Variants in MBOAT2 observed in about 807,000 individuals in gnomAD.
MBOAT2 encodes membrane bound glycerophospholipid O-acyltransferase 2, also known as membrane-bound glycerophospholipid O-acyltransferase 2.
MBOAT2 carries 28 observed loss-of-function variants against 63.4 expected under a neutral mutation model. The observed-to-expected ratio is 0.44, with a 90% CI of 0.33 to 0.61. MBOAT2 has a LOEUF of 0.61. MBOAT2 is among the 20% of genes least tolerant of loss of function. MBOAT2 has a pLI of 0.03. For synonymous variants in MBOAT2, 211 were observed against 215.6 expected, an observed-to-expected ratio of 0.98 and a Z score of 0.19; for missense variants, 470 against 605.8, an observed-to-expected ratio of 0.78 and a Z score of 2.35.
chr2:8,988,237 C>T (rs1296276443), intron 1 of MBOAT2, among the ~76,000 whole-genome samples: 1 of 152,154 alleles, frequency 6.6e-6, no homozygotes, highest in African/African-American at 2.4e-5. Flanking sequence ...TTGTAGCATC[C>T]TTAAATTGGT....
At chr2:8,943,300 C>T in intron 2 of MBOAT2, 36 bp from the exon 3 acceptor site, 1 of 1,289,440 alleles carries the variant, frequency 7.8e-7, no homozygotes, top group Non-Finnish European at 1.1e-6. Flanking sequence ...AAGAGGGATG[C>T]CAAGTCACAA....
intron 3 of MBOAT2, among the ~76,000 whole-genome samples, chr2:8,912,388 AAAG>A (rs1665844955): frequency 6.7e-6 from 1 of 149,310 alleles, no homozygotes; most frequent in African/African-American, 2.5e-5. Flanking sequence ...AGAAAGAAAG[AAAG>A]AAAGAAAGAA....
intron 7 of MBOAT2, among the ~76,000 whole-genome samples, chr2:8,874,641 C>T (rs2148526810): frequency 6.6e-6 from 1 of 152,238 alleles, no homozygotes; most frequent in East Asian, 1.9e-4. Context: ...CTGCCCAGAC[C>T]CAGAGTCCCA....
At chr2:8,995,668 G>A (rs1672237081) in intron 1 of MBOAT2, among the ~76,000 whole-genome samples, 1 of 145,228 alleles carries the variant, frequency 6.9e-6, no homozygotes, top group Non-Finnish European at 1.5e-5. Flanking sequence ...TTGGCTCACT[G>A]CAAGCTCTGC....
chr2:8,883,831 G>T (rs903607849), intron 5 of MBOAT2, among the ~76,000 whole-genome samples: 9 of 152,008 alleles, frequency 5.9e-5, no homozygotes, highest in South Asian at 4.1e-4. Context: ...ACCTATATAT[G>T]CAACAATTGG....
intron 1 of MBOAT2, among the ~76,000 whole-genome samples, chr2:9,001,522 C>T (rs1034174467): frequency 2.0e-5 from 3 of 152,148 alleles, no homozygotes; most frequent in African/African-American, 7.2e-5. Flanking sequence ...GGTCTGATGA[C>T]CAAAATGTCA....
chr2:8,993,407 CA>C (rs1305690710), intron 1 of MBOAT2, among the ~76,000 whole-genome samples: 3 of 152,176 alleles, frequency 2.0e-5, no homozygotes, highest in African/African-American at 7.2e-5. Flanking sequence ...AGGCACAGAC[CA>C]GCTGCAAGAG....
intron 4 of MBOAT2, among the ~76,000 whole-genome samples, chr2:8,891,713 C>T (rs1182380908): frequency 6.6e-6 from 1 of 152,138 alleles, no homozygotes; most frequent in African/African-American, 2.4e-5. Context: ...TTGGAAAGAA[C>T]CTCCTGTTTC....
chr2:8,884,675 G>C (rs1357765833), intron 5 of MBOAT2, among the ~76,000 whole-genome samples: 7 of 152,156 alleles, frequency 4.6e-5, no homozygotes, highest in Non-Finnish European at 2.9e-5. Flanking sequence ...GTTTGGCATA[G>C]GGTGGGCCTC....
chr2:8,936,864 G>A (rs1468450408), intron 3 of MBOAT2, among the ~76,000 whole-genome samples: 1 of 150,816 alleles, frequency 6.6e-6, no homozygotes, highest in East Asian at 1.9e-4. Flanking sequence ...TACTTGCCAA[G>A]TTATAAAGAA....
intron 4 of MBOAT2, among the ~76,000 whole-genome samples, chr2:8,904,810 A>G (rs890433371): frequency 1.3e-5 from 2 of 152,172 alleles, no homozygotes; most frequent in Non-Finnish European, 2.9e-5. Context: ...TACTGCTGAC[A>G]TGAAGAAAGC....
intron 6 of MBOAT2, 144 bp from the exon 7 acceptor site, chr2:8,877,357 G>A: frequency 1.3e-6 from 1 of 771,680 alleles, no homozygotes; most frequent in South Asian, 1.9e-5. Flanking sequence ...AGAATTTTAA[G>A]GATCAGAACA....
chr2:8,860,609 T>C lies in MBOAT2; in HGVS notation c.1337+4A>G, dbSNP rs1466123484. The C allele has an allele frequency of 6.2e-7, 1 of 1,612,040 alleles. No individual in the cohort carries two copies. ...ACTGACAAAGTTTTAAGAGTAACAC[T>C]TACCTGTAAAACGTGAGTGATGGTT... On this transcript the variant is annotated splice_donor_region_variant and intron_variant, in intron 12 of 12. Coordinates refer to ENST00000305997, the MANE Select transcript of MBOAT2 (RefSeq NM_138799.4).
chr2:8,919,499 T>G (rs1402802575), intron 3 of MBOAT2, among the ~76,000 whole-genome samples: 5 of 152,216 alleles, frequency 3.3e-5, no homozygotes, highest in African/African-American at 1.2e-4. Context: ...CTAGTGATCT[T>G]GAGCATCTTT....
At chr2:8,977,362 G>C (rs1197244275) in intron 1 of MBOAT2, among the ~76,000 whole-genome samples, 1 of 152,046 alleles carries the variant, frequency 6.6e-6, no homozygotes, top group Admixed American at 6.6e-5. Flanking sequence ...AGCAATTGTG[G>C]AATGAATACA....
Position 8,888,088 on chromosome 2 carries a change from A to G in MBOAT2, c.396-15T>C, listed in dbSNP as rs765456926. ...TCATCATTGGGCTGTGACAAGATAA[A>G]AAAAATTAGTGTTTTAAAAGAAGAA... is the stretch of plus-strand genomic sequence containing the variant. On this transcript the variant is annotated splice_polypyrimidine_tract_variant and intron_variant, in intron 4 of 12. Transcript: ENST00000305997. 4.4e-5 allele frequency: 71 copies of G among 1,607,724 alleles called. No individual in the cohort carries two copies. The highest frequency in any genetic ancestry group is 1.7e-5 in the Admixed American group (1 of 59,236).
intron 5 of MBOAT2, among the ~76,000 whole-genome samples, chr2:8,887,648 G>A (rs1663656776): frequency 6.6e-6 from 1 of 152,162 alleles, no homozygotes; most frequent in South Asian, 2.1e-4. Context: ...TGTATATCAA[G>A]GAGAAGAGGT....
intron 1 of MBOAT2, among the ~76,000 whole-genome samples, chr2:8,986,348 G>A (rs1671564153): frequency 6.6e-6 from 1 of 152,100 alleles, no homozygotes. Context: ...GGCTGAGGCA[G>A]GCTGATCACT....
Position 8,868,431 on chromosome 2 carries a change from T to C in MBOAT2, c.987+15A>G. The C allele has an allele frequency of 6.2e-7, 1 of 1,607,338 alleles. No homozygotes were observed. Among genetic ancestry groups the C allele is most frequent in the African/African-American group, 1.3e-5 (1 of 74,778 alleles). ...TTAAAGTATATAGTAACTAACTTCT[T>C]AAAGATTGACTCACCTCTATTTGTT... is the stretch of plus-strand genomic sequence containing the variant. On this transcript the variant is annotated intron_variant, in intron 9 of 12. Transcript: ENST00000305997.
Sources: allele counts gnomAD v4.1 joint callset (sites outside exome capture counted in the v4.1 genomes callset), GRCh38; gene constraint gnomAD v4.1.1; transcripts MANE v1.5; gene names NCBI Gene and HGNC (gene_info 2026-07-23, HGNC 2026-07-21).